Variants in RAB8B observed in about 807,000 individuals in gnomAD.
RAB8B encodes the protein ras-related protein Rab-8B.
In RAB8B, 11 loss-of-function variants were observed where a neutral mutation model predicts 32.0. That is an observed-to-expected ratio of 0.34 (90% CI 0.22 to 0.57). The LOEUF (loss-of-function observed/expected upper bound fraction) is 0.57, where lower values mean the gene tolerates loss of function less well. Among genes scored for constraint, RAB8B ranks in the 20% least tolerant of loss-of-function variants. RAB8B has a pLI of 0.86. For synonymous variants in RAB8B, 103 were observed against 89.6 expected (o/e 1.15, Z -0.85); for missense variants, 190 against 258.5 (o/e 0.73, Z 1.82).
intron 2 of RAB8B, among the ~76,000 whole-genome samples, chr15:63,246,595 A>G (rs2038074301): frequency 6.6e-6 from 1 of 151,970 alleles, no homozygotes; most frequent in African/African-American, 2.4e-5. Context: ...GGGGTCATCT[A>G]CTCTCCAAGA....
intron 1 of RAB8B, among the ~76,000 whole-genome samples, chr15:63,208,711 C>T (rs886706349): frequency 7.2e-5 from 11 of 152,112 alleles, no homozygotes; most frequent in Admixed American, 6.5e-4. Context: ...TCATATGTCA[C>T]TTTCTTTATG....
intron 1 of RAB8B, among the ~76,000 whole-genome samples, chr15:63,214,286 CTTTTTTTTTT>C: frequency 1.0e-5 from 1 of 95,644 alleles, no homozygotes; most frequent in Non-Finnish European, 2.1e-5. Context: ...CAGTTTCTTT[CTTTTTTTTTT>C]TTTTTTTTTT....
At chr15:63,195,278 A>G (rs1334749272) in intron 1 of RAB8B, among the ~76,000 whole-genome samples, 1 of 152,250 alleles carries the variant, frequency 6.6e-6, no homozygotes, top group Non-Finnish European at 1.5e-5. Flanking sequence ...TTAATACTTG[A>G]TCATAAAGGA....
chr15:63,215,199 T>C (rs1302493870), intron 1 of RAB8B, among the ~76,000 whole-genome samples: 1 of 152,250 alleles, frequency 6.6e-6, no homozygotes, highest in African/African-American at 2.4e-5. Context: ...CTTTTGCCTT[T>C]CCTGCATCTG....
At chr15:63,258,065 C>CAA (rs569769772) in intron 5 of RAB8B, among the ~76,000 whole-genome samples, 27 of 91,728 alleles carry the variant, frequency 2.9e-4, no homozygotes, top group African/African-American at 8.7e-4. Flanking sequence ...GACTGTGTCT[C>CAA]AAAAAAAAAA....
intron 3 of RAB8B, among the ~76,000 whole-genome samples, chr15:63,255,049 C>A (rs2038148434): frequency 6.6e-6 from 1 of 152,088 alleles, no homozygotes; most frequent in Admixed American, 6.5e-5. Flanking sequence ...TTTTGATCAA[C>A]CTACATAAAA....
rs1398244053 is a variant in RAB8B, at chr15:63,259,125, A to G, written c.415-502A>G. On this transcript the variant is annotated intron_variant, in intron 5 of 7. Coordinates refer to ENST00000321437, the MANE Select transcript of RAB8B (RefSeq NM_016530.3). This position sits in a 1 kb window ranked among gnomAD's most constrained non-coding sequence, Gnocchi z 4.4. ...TTAAATTATTATTATTATTTTATTT[A>G]TTTATTTATTTTGAGACAGAGTCTC... 6.6e-6 allele frequency among the ~76,000 whole-genome samples: 1 copy of G among 151,896 alleles called. No homozygotes were observed. Among genetic ancestry groups the G allele is most frequent in the Non-Finnish European group, 1.5e-5 (1 of 67,972 alleles).
rs139411469 is a variant in RAB8B, at chr15:63,238,461, T to A, written c.125-6295T>A. On this transcript the variant is annotated intron_variant, in intron 1 of 7. Transcript: ENST00000321437. The stretch of plus-strand genomic sequence containing the variant: ...CTCATTGTCCCCTTTTTCTTTCTTA[T>A]TTTCTAGTTCTTAGCTGAACACTAC... 2.3e-3 allele frequency among the ~76,000 whole-genome samples: 352 copies of A among 152,240 alleles called. 2 individuals are homozygous for A. The highest frequency in any genetic ancestry group is 8.2e-3 in the African/African-American group (342 of 41,544).
chr15:63,266,270 CA>C lies in RAB8B; in HGVS notation c.*2654del, dbSNP rs1440274510. The C allele has an allele frequency of 1.3e-5, 2 of 152,504 alleles. No individual in the cohort carries two copies. Among genetic ancestry groups the C allele is most frequent in the Non-Finnish European group, 2.9e-5 (2 of 67,990 alleles). 9.4% of individuals were successfully genotyped at this position (152,504 alleles called of 1,614,324 possible). On this transcript the variant is annotated 3_prime_UTR_variant, in exon 8 of 8. Coordinates refer to ENST00000321437, the MANE Select transcript of RAB8B (RefSeq NM_016530.3). The stretch of plus-strand genomic sequence containing the variant: ...TGACAGTGATTGGACTAGACCTTTT[CA>C]AATAGAGTCTGAGGGTATCAGACAG...
At chr15:63,251,201 T>A (rs2038114344) in intron 3 of RAB8B, 1 of 439,676 alleles carries the variant, frequency 2.3e-6, no homozygotes, top group South Asian at 1.6e-5. Context: ...CACTTTCTAT[T>A]TTGCTTAGAC....
At chr15:63,255,786 A>G (rs2038154485) in intron 4 of RAB8B, among the ~76,000 whole-genome samples, 1 of 152,222 alleles carries the variant, frequency 6.6e-6, no homozygotes, top group African/African-American at 2.4e-5. Context: ...TAACGTCACA[A>G]GATTTTAAGC....
chr15:63,230,058 A>ATT (rs55940587), intron 1 of RAB8B, among the ~76,000 whole-genome samples: 1 of 149,722 alleles, frequency 6.7e-6, no homozygotes, highest in Non-Finnish European at 1.5e-5. Context: ...CAAAATGTTG[A>ATT]TTTTTTTTTT....
At chr15:63,196,308 T>C (rs1380432437) in intron 1 of RAB8B, among the ~76,000 whole-genome samples, 1 of 152,206 alleles carries the variant, frequency 6.6e-6, no homozygotes, top group Non-Finnish European at 1.5e-5. Flanking sequence ...AATAGATCCT[T>C]TATCAGAGCT....
At position 63,267,077 on chromosome 15, in the gene RAB8B, G is replaced by A. The variant is rs916364804; in HGVS notation, c.*3458G>A. On this transcript the variant is annotated 3_prime_UTR_variant, in exon 8 of 8. Transcript: ENST00000321437. The stretch of plus-strand genomic sequence containing the variant: ...ATCCAAGGGGGGCACAGGGGTGGGT[G>A]GAAAGGAATGTCTAAAAATGAAATC... 2.0e-5 allele frequency: 3 copies of A among 152,380 alleles called. No homozygotes were observed. The highest frequency in any genetic ancestry group is 7.2e-5 in the African/African-American group (3 of 41,384). The allele number at this position is 152,380 out of a possible 1,614,324, so 9.4% of individuals were successfully genotyped here.
intron 1 of RAB8B, among the ~76,000 whole-genome samples, chr15:63,221,023 G>T (rs920603563): frequency 1.3e-5 from 2 of 152,158 alleles, no homozygotes; most frequent in Non-Finnish European, 2.9e-5. Flanking sequence ...GTTTAGGGTA[G>T]AGAGTGAGCA....
chr15:63,218,506 T>G (rs541691251), intron 1 of RAB8B, among the ~76,000 whole-genome samples: 24 of 152,370 alleles, frequency 1.6e-4, no homozygotes, highest in African/African-American at 5.3e-4. Context: ...TTTGTTTGGC[T>G]GCATTTTGTT....
intron 1 of RAB8B, among the ~76,000 whole-genome samples, chr15:63,197,742 G>A (rs904828778): frequency 2.3e-4 from 35 of 152,222 alleles, no homozygotes; most frequent in African/African-American, 6.3e-4. Context: ...AAGCTGGGAT[G>A]AAAAATGTCA....
At chr15:63,194,586 T>C (rs2037585574) in intron 1 of RAB8B, among the ~76,000 whole-genome samples, 1 of 152,218 alleles carries the variant, frequency 6.6e-6, no homozygotes, top group Admixed American at 6.5e-5. Flanking sequence ...ATCATTAAAA[T>C]TTCTTCCATA....
intron 1 of RAB8B, among the ~76,000 whole-genome samples, chr15:63,193,920 C>A (rs2652847): frequency 0.99 from 150,206 of 152,348 alleles, 74,078 homozygotes; most frequent in East Asian, 1. Context: ...TATATTTCCT[C>A]TGGGAAATGG....
Sources: gnomAD v4.1 joint callset for allele counts (sites outside exome capture counted in the v4.1 genomes callset) on GRCh38, gnomAD v4.1.1 for gene constraint, Gnocchi (gnomAD v3.1) non-coding constraint, MANE v1.5 for transcripts, NCBI Gene and HGNC (gene_info 2026-07-23, HGNC 2026-07-21) for gene names.